OCEL1: variants seen among roughly 807,000 people sequenced by gnomAD.
OCEL1 encodes occludin/ELL domain containing 1.
OCEL1 carries 24 observed loss-of-function variants against 29.4 expected under a neutral mutation model. The observed-to-expected ratio is 0.82, with a 90% CI of 0.59 to 1.15. The LOEUF is 1.15. Among genes scored for constraint, OCEL1 ranks in the 50% most tolerant of loss-of-function variants. OCEL1 has a pLI of 0.00. For synonymous variants in OCEL1, 172 were observed against 145.3 expected, an observed-to-expected ratio of 1.18 and a Z score of -1.32; for missense variants, 402 against 352.5, an observed-to-expected ratio of 1.14 and a Z score of -1.13.
rs2073371883 is a variant in OCEL1 at position 17,227,324 on chromosome 19, G to A, written c.452+125G>A. 9.4e-6 allele frequency: 8 copies of A among 853,708 alleles called. No homozygotes were observed. In the East Asian group the frequency reaches 2.6e-4, roughly 27 times the overall value. The allele number at this position is 853,708 out of a possible 1,614,324, so 52.9% of individuals were successfully genotyped here. ...GGAAAGGATCCCTTGCTGATCAGTA[G>A]TGGGATTGTCCCTGTGAATAAGCCA... On this transcript the variant is annotated intron_variant, in intron 3 of 5. Transcript: ENST00000215061.
Position 17,228,513 on chromosome 19 carries a change from A to C in OCEL1, c.672+204A>C, listed in dbSNP as rs1360040959. On this transcript the variant is annotated intron_variant, in intron 5 of 5. Transcript: ENST00000215061. Reference sequence around the variant, plus strand: ...CGGTTCTCCTGCCTCAGCTGGGATCACAGGCGCCCACCACCGTGCCTGGCA... The same window carrying C: ...CGGTTCTCCTGCCTCAGCTGGGATCCCAGGCGCCCACCACCGTGCCTGGCA... The C allele has an allele frequency of 2.6e-5, 16 of 623,238 alleles. No individual in the cohort carries two copies. The East Asian group carries it at 4.7e-4, about 18-fold the overall frequency. 38.6% of individuals were successfully genotyped at this position (623,238 alleles called of 1,614,324 possible). A position where few individuals can be genotyped will look rare whatever the true frequency, so the allele number is the denominator to read the frequency against.
chr19:17,226,836 C>A lies in OCEL1; in HGVS notation c.213C>A (p.His71Gln). 6 of 1,568,360 alleles carry A rather than the reference C, an allele frequency of 3.8e-6. No homozygotes were observed. The highest frequency in any genetic ancestry group is 4.3e-6 in the Non-Finnish European group (5 of 1,163,706). ...CAAAGACTCGCGGCTCCCGGGGGCA[C>A]CTGCATACTCACCCGCCTGGGCCTG... is the stretch of plus-strand genomic sequence containing the variant. ...EPPKTRGSRGHLHTHPPGPGP... is the reference protein window; with the variant it reads ...EPPKTRGSRGQLHTHPPGPGP... The change falls in exon 2 of 6, where the codon CAC (histidine) becomes CAA (glutamine). Residue 71 changes from histidine (H) to glutamine (Q), a missense_variant. Transcript: ENST00000215061.
chr19:17,226,874 G>C lies in OCEL1; in HGVS notation c.246+5G>C. The C allele has an allele frequency of 6.6e-7, 1 of 1,520,024 alleles. No homozygotes were observed. The highest frequency in any genetic ancestry group is 8.8e-7 in the Non-Finnish European group (1 of 1,139,352). 94.2% of individuals were successfully genotyped at this position (1,520,024 alleles called of 1,614,324 possible). A position where few individuals can be genotyped will look rare whatever the true frequency, so the allele number is the denominator to read the frequency against. On this transcript the variant is annotated splice_donor_5th_base_variant and intron_variant, in intron 2 of 5. Coordinates refer to ENST00000215061, the MANE Select transcript of OCEL1 (RefSeq NM_024578.3). ...CCGCCTGGGCCTGGGCCCCCGGTGA[G>C]CCTGACCGGGAGGGGGTCCCCAGGC...
At chr19:17,228,194 T>C in intron 4 of OCEL1, 62 bp from the exon 5 acceptor site, 1 of 1,597,528 alleles carries the variant, frequency 6.3e-7, no homozygotes, top group Non-Finnish European at 8.6e-7. Flanking sequence ...TGAGCCTCAG[T>C]TTCTTCATCC....
intron 5 of OCEL1, 30 bp downstream of exon 5, chr19:17,228,339 G>T: frequency 6.2e-7 from 1 of 1,611,404 alleles, no homozygotes; most frequent in Middle Eastern, 1.7e-4. Flanking sequence ...GCTTGGTCTT[G>T]CACCCCTGAG....
In OCEL1 at chr19:17,226,634, C is replaced by G. The variant is rs946291178; in HGVS notation, c.70-59C>G. 3.5e-6 allele frequency: 5 copies of G among 1,409,776 alleles called. No homozygotes were observed. In the East Asian group the frequency reaches 7.9e-5, roughly 22 times the overall value. The allele number at this position is 1,409,776 out of a possible 1,614,324, so 87.3% of individuals were successfully genotyped here. A position where few individuals can be genotyped will look rare whatever the true frequency, so the allele number is the denominator to read the frequency against. On this transcript the variant is annotated intron_variant, in intron 1 of 5. Coordinates refer to ENST00000215061, the MANE Select transcript of OCEL1 (RefSeq NM_024578.3). Reference sequence around the variant, plus strand: ...TTGGCCGCTCTTCGGCCGAGCTGCCCGCGCGTCCTTTCTCCGTGCGCGTCG... The same window carrying G: ...TTGGCCGCTCTTCGGCCGAGCTGCCGGCGCGTCCTTTCTCCGTGCGCGTCG...
In OCEL1 at chr19:17,228,954, A is replaced by T. The variant is rs1292960140; in HGVS notation, c.*29A>T. On this transcript the variant is annotated 3_prime_UTR_variant, in exon 6 of 6. Coordinates refer to ENST00000215061, the MANE Select transcript of OCEL1 (RefSeq NM_024578.3). ...CCCCTGCAGATGGGCAGAGGGATGC[A>T]TGGGGATGCAGGTCCCTTGCATTTC... 2.5e-6 allele frequency: 4 copies of T among 1,603,138 alleles called. No individual in the cohort carries two copies. Among genetic ancestry groups the T allele is most frequent in the South Asian group, 2.2e-5 (2 of 90,708 alleles).
rs777647190 is a variant in OCEL1, at chr19:17,226,265, A to G, written c.18A>G (p.Gly6=). The stretch of plus-strand genomic sequence containing the variant: ...TGCAGTAAATGCACAACCCGGACGG[A>G]AGTGCCTCTCCGACAGCAGATCCAG... MHNPD[G]SASPTADPGS... is the part of the protein sequence containing the mutation. The change falls in exon 1 of 6, where the codon GGA becomes GGG. Residue 6 remains glycine, a synonymous_variant. Coordinates refer to ENST00000215061, the MANE Select transcript of OCEL1 (RefSeq NM_024578.3). 1 of 1,611,732 alleles carries G rather than the reference A, an allele frequency of 6.2e-7. No homozygotes were observed. The highest frequency in any genetic ancestry group is 8.5e-7 in the Non-Finnish European group (1 of 1,179,404).
chr19:17,226,226 A>C lies in OCEL1; in HGVS notation c.-22A>C. ...CCCAGCCCTGCTGAGCGACCCCGCCAGTCGGGTCCATCCTGCAGTAAATGC... is the reference window on the plus strand; with the variant it reads ...CCCAGCCCTGCTGAGCGACCCCGCCCGTCGGGTCCATCCTGCAGTAAATGC... On this transcript the variant is annotated 5_prime_UTR_variant, in exon 1 of 6. Coordinates refer to ENST00000215061, the MANE Select transcript of OCEL1 (RefSeq NM_024578.3). 4 of 1,588,298 alleles carry C rather than the reference A, an allele frequency of 2.5e-6. No individual in the cohort carries two copies. The highest frequency in any genetic ancestry group is 3.4e-6 in the Non-Finnish European group (4 of 1,166,608).
At position 17,226,704 on chromosome 19, in the gene OCEL1, A is replaced by G; in HGVS notation, c.81A>G (p.Arg27=). 6.7e-7 allele frequency: 1 copy of G among 1,494,434 alleles called. No homozygotes were observed. Among genetic ancestry groups the G allele is most frequent in the East Asian group, 2.5e-5 (1 of 40,336 alleles). 92.6% of individuals were successfully genotyped at this position (1,494,434 alleles called of 1,614,324 possible). A position where few individuals can be genotyped will look rare whatever the true frequency, so the allele number is the denominator to read the frequency against. ...GTGTCCACCCACAGGCCGCCCGCAG[A>G]CCACCCCCGCCGCGCGCGGGACACG... is the stretch of plus-strand genomic sequence containing the variant. The part of the protein sequence containing the change: ...ELQTLGQAAR[R]PPPPRAGHDA... The change falls in exon 2 of 6, where the codon AGA becomes AGG. Residue 27 remains arginine (R), a synonymous_variant. Transcript: ENST00000215061.
rs151254361 is a variant in OCEL1, at chr19:17,227,907, G to A, written c.520G>A (p.Gly174Arg). ...TGTCGCAGTGTTCCAGGACCAGTAC[G>A]GAGAGTTCTTGGAGCTCCAGCACGA... ...RYVAVFQDQY[G>R]EFLELQHEVG... The change falls in exon 4 of 6, where the codon GGA becomes AGA. Residue 174 changes from glycine (G) to arginine (R), a missense_variant. Physicochemically the swap from Gly to Arg is moderately radical, Grantham distance 125. Coordinates refer to ENST00000215061, the MANE Select transcript of OCEL1 (RefSeq NM_024578.3). 9.9e-6 allele frequency: 16 copies of A among 1,613,704 alleles called. No homozygotes were observed. The highest frequency in any genetic ancestry group is 2.2e-5 in the South Asian group (2 of 91,064).
intron 1 of OCEL1, 82 bp downstream of exon 1, chr19:17,226,398 GGGCTCTGCGCGCCCTGGAGGTCGA>G: frequency 6.6e-7 from 1 of 1,507,288 alleles, no homozygotes; most frequent in Non-Finnish European, 9.0e-7. Context: ...GGTCGTCTGT[GGGCTCTGCGCGCCCTGGAGGTCGA>G]GGCTCCGGCA....
At chr19:17,226,611 G>T in intron 1 of OCEL1, 82 bp from the exon 2 acceptor site, 1 of 1,359,630 alleles carries the variant, frequency 7.4e-7, no homozygotes, top group Non-Finnish European at 9.7e-7. Flanking sequence ...GGTGAGAGTT[G>T]GCCGCTCTTC....
intron 2 of OCEL1, 44 bp downstream of exon 2, chr19:17,226,913 A>C (rs757624301): frequency 2.0e-6 from 3 of 1,514,188 alleles, no homozygotes; most frequent in Non-Finnish European, 1.8e-6. Flanking sequence ...GCCTCTAGGC[A>C]AAAGATTTAG....
Position 17,228,290 on chromosome 19 carries a change from A to G in OCEL1, c.653A>G (p.Glu218Gly). The G allele has an allele frequency of 1.9e-6, 3 of 1,613,860 alleles. No individual in the cohort carries two copies. In the Admixed American group the frequency reaches 5.0e-5, roughly 27 times the overall value. ...EAQVAARVWR[E>G]FEMKRMDPGF... ...CAAGTTGCAGCCCGGGTTTGGAGGG[A>G]GTTTGAGATGAAGCGAATGGTGAGT... Residue 218 changes from glutamate (E) to glycine (G), a missense_variant, in exon 5 of 6, where the codon GAG becomes GGG. Physicochemically the swap from Glu to Gly is moderately conservative, Grantham distance 98 (BLOSUM62 -2). Coordinates refer to ENST00000215061, the MANE Select transcript of OCEL1 (RefSeq NM_024578.3).
rs777943549 is a variant in OCEL1, at chr19:17,226,811, C to G, written c.188C>G (p.Pro63Arg). Residue 63 changes from proline to arginine, a missense_variant, in exon 2 of 6, where the codon CCA becomes CGA. Coordinates refer to ENST00000215061, the MANE Select transcript of OCEL1 (RefSeq NM_024578.3). ...AGGCCGATGCCCACCCGGGAGCCCCCAAAGACTCGCGGCTCCCGGGGGCAC... is the reference window on the plus strand; with the variant it reads ...AGGCCGATGCCCACCCGGGAGCCCCGAAAGACTCGCGGCTCCCGGGGGCAC... ...SRRPMPTREPPKTRGSRGHLH... is the reference protein window; with the variant it reads ...SRRPMPTREPRKTRGSRGHLH... The G allele has an allele frequency of 6.3e-7, 1 of 1,591,346 alleles. No homozygotes were observed. Among genetic ancestry groups the G allele is most frequent in the Admixed American group, 1.8e-5 (1 of 56,638 alleles).
At chr19:17,228,600 C>T (rs765270022) in intron 5 of OCEL1, 1 of 647,514 alleles carries the variant, frequency 1.5e-6, no homozygotes, top group Non-Finnish European at 2.5e-6. Flanking sequence ...TCTCGAACTC[C>T]TGACCTCAAG....
intron 3 of OCEL1, 37 bp from the exon 4 acceptor site, chr19:17,227,803 C>CTTTA (rs896840109): frequency 6.2e-7 from 1 of 1,600,914 alleles, no homozygotes; most frequent in Non-Finnish European, 8.5e-7. Flanking sequence ...GAGTGGGGTT[C>CTTTA]TTTACACTCA....
At position 17,228,985 on chromosome 19, in the gene OCEL1, A is replaced by T. The variant is rs1568314201; in HGVS notation, c.*60A>T. Reference sequence around the variant, plus strand: ...ATGCAGGTCCCTTGCATTTCTTGGTATCTCTCAGCTTTTCCTCTTGCAGCT... The same window carrying T: ...ATGCAGGTCCCTTGCATTTCTTGGTTTCTCTCAGCTTTTCCTCTTGCAGCT... On this transcript the variant is annotated 3_prime_UTR_variant, in exon 6 of 6. Transcript: ENST00000215061. 6.4e-7 allele frequency: 1 copy of T among 1,571,820 alleles called. No individual in the cohort carries two copies.
Sources: gnomAD v4.1 joint callset for allele counts on GRCh38, gnomAD v4.1.1 for gene constraint, MANE v1.5 for transcripts, NCBI Gene and HGNC (gene_info 2026-07-23, HGNC 2026-07-21) for gene names.